Variants in BTBD10 observed in about 807,000 individuals in gnomAD.
BTBD10 encodes the protein BTB/POZ domain-containing protein 10.
In BTBD10, 21 loss-of-function variants were observed where a neutral mutation model predicts 53.2. The ratio of observed to expected loss-of-function variants is 0.39; its 90% confidence interval spans 0.28 to 0.57. The LOEUF (loss-of-function observed/expected upper bound fraction) is 0.57, where lower values mean the gene tolerates loss of function less well. Ranked by LOEUF, BTBD10 falls within the 20% of genes least tolerant of loss-of-function variation. BTBD10 has a pLI of 0.53. For missense variants in BTBD10, 360 were observed against 594.7 expected, an observed-to-expected ratio of 0.61 and a Z score of 4.10; for synonymous variants, 149 against 192.7, an observed-to-expected ratio of 0.77 and a Z score of 1.88.
At chr11:13,444,808 CT>C (rs1158439837) in intron 2 of BTBD10, among the ~76,000 whole-genome samples, 2 of 152,012 alleles carry the variant, frequency 1.3e-5, no homozygotes, top group African/African-American at 4.8e-5. Flanking sequence ...TTTTCACCAT[CT>C]TTAGAGACAG....
In BTBD10 at chr11:13,441,089, AC is replaced by A. The variant is rs141144105; in HGVS notation, c.101+3934del. 6.3e-3 allele frequency among the ~76,000 whole-genome samples: 956 copies of A among 152,290 alleles called. 14 individuals carry two copies. The highest frequency in any genetic ancestry group is 0.022 in the African/African-American group (899 of 41,588). On this transcript the variant is annotated intron_variant, in intron 2 of 8. Coordinates refer to ENST00000278174, the MANE Select transcript of BTBD10 (RefSeq NM_032320.7). ...TACTCACCCAGAAACAAGTTGAGCA[AC>A]TTATAAACAAATTCAGTAATTTTTA...
At chr11:13,459,218 G>A (rs919058641) in intron 1 of BTBD10, among the ~76,000 whole-genome samples, 3 of 151,044 alleles carry the variant, frequency 2.0e-5, no homozygotes, top group Non-Finnish European at 3.0e-5. Flanking sequence ...CACTACGCCC[G>A]GCTAATTTTT....
chr11:13,459,419 G>A (rs1450626151), intron 1 of BTBD10, among the ~76,000 whole-genome samples: 4 of 151,944 alleles, frequency 2.6e-5, no homozygotes, highest in Non-Finnish European at 5.9e-5. Context: ...AAGTAAACCC[G>A]AGCAAGATAC....
rs1194746140 is a variant in BTBD10, at chr11:13,421,778, A to G, written c.162T>C (p.Ala54=). 1 of 1,614,118 alleles carries G rather than the reference A, an allele frequency of 6.2e-7. No homozygotes were observed. Among genetic ancestry groups the G allele is most frequent in the Admixed American group, 1.7e-5 (1 of 60,020 alleles). ...VDHTKMSLHG[A]SGGHERSRDR... is the part of the protein sequence containing the mutation. Reference sequence around the variant, plus strand: ...CTCTTGATCTCTCATGTCCCCCACTAGCACCATGTAGACTCATTTTGGTGT... The same window carrying G: ...CTCTTGATCTCTCATGTCCCCCACTGGCACCATGTAGACTCATTTTGGTGT... The change falls in exon 3 of 9, where the codon GCT becomes GCC. Residue 54 remains alanine, a synonymous_variant. Coordinates refer to ENST00000278174, the MANE Select transcript of BTBD10 (RefSeq NM_032320.7).
At chr11:13,461,572 T>C (rs1280760170) in intron 1 of BTBD10, among the ~76,000 whole-genome samples, 1 of 152,196 alleles carries the variant, frequency 6.6e-6, no homozygotes, top group African/African-American at 2.4e-5. Context: ...CAGACCACAG[T>C]GGTTTGCAAC....
rs1235628982 is a variant in BTBD10, at chr11:13,419,601, T to A, written c.443A>T (p.Glu148Val). Residue 148 changes from glutamate to valine, a missense_variant, in exon 4 of 9, where the codon GAG (glutamate) becomes GTG (valine). Transcript: ENST00000278174. Reference sequence around the variant, plus strand: ...TGCATTTTCATATACAAACACCATCTCCCCAGCTGTCTTACAGCTACCATC... The same window carrying A: ...TGCATTTTCATATACAAACACCATCACCCCAGCTGTCTTACAGCTACCATC... Reference protein sequence around the residue: ...SSDGSCKTAGEMVFVYENAKE... With the variant: ...SSDGSCKTAGVMVFVYENAKE... 1 of 1,614,048 alleles carries A rather than the reference T, an allele frequency of 6.2e-7. No homozygotes were observed. The highest frequency in any genetic ancestry group is 1.3e-5 in the African/African-American group (1 of 75,012).
chr11:13,446,425 T>A (rs2134035705), intron 1 of BTBD10, among the ~76,000 whole-genome samples: 1 of 152,312 alleles, frequency 6.6e-6, no homozygotes, highest in East Asian at 1.9e-4. Flanking sequence ...CATTTTCATT[T>A]TAGAGAAACA....
chr11:13,418,153 T>C (rs1240762611), intron 4 of BTBD10, among the ~76,000 whole-genome samples: 1 of 150,536 alleles, frequency 6.6e-6, no homozygotes, highest in African/African-American at 2.4e-5. Context: ...CAGAAAACTA[T>C]GAACAACAAA....
intron 4 of BTBD10, among the ~76,000 whole-genome samples, chr11:13,418,222 A>G (rs1368562085): frequency 6.6e-6 from 1 of 152,054 alleles, no homozygotes; most frequent in East Asian, 1.9e-4. Context: ...GTTCCCATGA[A>G]TATTAATTTT....
intron 1 of BTBD10, among the ~76,000 whole-genome samples, chr11:13,457,516 T>C (rs1388941657): frequency 6.6e-6 from 1 of 152,256 alleles, no homozygotes; most frequent in Non-Finnish European, 1.5e-5. Context: ...TTCATTGTAC[T>C]ACCTTTTGTA....
At chr11:13,393,569 G>C (rs1046224958) in intron 8 of BTBD10, among the ~76,000 whole-genome samples, 12 of 152,076 alleles carry the variant, frequency 7.9e-5, no homozygotes, top group Middle Eastern at 6.8e-3. Flanking sequence ...TAATAGACTT[G>C]AAAAGAAAAT....
chr11:13,451,912 C>T (rs1160839645), intron 1 of BTBD10, among the ~76,000 whole-genome samples: 2 of 151,906 alleles, frequency 1.3e-5, no homozygotes, highest in Admixed American at 6.6e-5. Flanking sequence ...TAGAGAGGTG[C>T]CAACTGTCAA....
intron 2 of BTBD10, among the ~76,000 whole-genome samples, chr11:13,427,019 C>G (rs1950351676): frequency 6.6e-6 from 1 of 152,112 alleles, no homozygotes; most frequent in Non-Finnish European, 1.5e-5. Flanking sequence ...AGTTCGAGAC[C>G]AGCCTTTGGC....
rs147397766 is a variant in BTBD10, at chr11:13,432,506, C to T, written c.102-10668G>A. On this transcript the variant is annotated intron_variant, in intron 2 of 8. Transcript: ENST00000278174. ...GTAGAGTACCTGGGAACTCACTGTA[C>T]GATTTTTTGTGACATCTTGTAAATC... Among the ~76,000 whole-genome samples, 1,132 of 152,014 alleles carry T rather than the reference C, an allele frequency of 7.4e-3. 7 individuals carry two copies. The highest frequency in any genetic ancestry group is 0.011 in the Non-Finnish European group (762 of 67,936).
chr11:13,395,805 C>G (rs1949533483), intron 8 of BTBD10, among the ~76,000 whole-genome samples: 1 of 152,146 alleles, frequency 6.6e-6, no homozygotes, highest in Non-Finnish European at 1.5e-5. Flanking sequence ...AATCCTTTCG[C>G]CATTGCTTGT....
At chr11:13,399,619 C>A (rs937184103) in intron 8 of BTBD10, among the ~76,000 whole-genome samples, 1 of 152,140 alleles carries the variant, frequency 6.6e-6, no homozygotes, top group Non-Finnish European at 1.5e-5. Context: ...GGAGGAGAGG[C>A]GCTCTGATTT....
rs1213031898 is a variant in BTBD10, at chr11:13,445,055, T to C, written c.70A>G (p.Ser24Gly). 11 of 1,612,942 alleles carry C rather than the reference T, an allele frequency of 6.8e-6. No homozygotes were observed. The highest frequency in any genetic ancestry group is 1.1e-5 in the South Asian group (1 of 91,058). The change falls in exon 2 of 9, where the codon AGT (serine) becomes GGT (glycine). Residue 24 changes from serine to glycine, a missense_variant. Around this residue, in one of 6 missense-constraint regions of BTBD10, gnomAD observed 81 missense variants for 82.6 expected, o/e 0.98. Coordinates refer to ENST00000278174, the MANE Select transcript of BTBD10 (RefSeq NM_032320.7). ...DPENWDRKLHSRPRKLYKHSS... is the reference protein window; with the variant it reads ...DPENWDRKLHGRPRKLYKHSS... Reference sequence around the variant, plus strand: ...TGTTTATAAAGTTTACGAGGTCTACTATGCAATTTCCGATCCCAATTCTCT... The same window carrying C: ...TGTTTATAAAGTTTACGAGGTCTACCATGCAATTTCCGATCCCAATTCTCT...
chr11:13,426,600 T>G (rs911817396), intron 2 of BTBD10, among the ~76,000 whole-genome samples: 3 of 152,180 alleles, frequency 2.0e-5, no homozygotes, highest in Non-Finnish European at 2.9e-5. Flanking sequence ...AAGTATACTT[T>G]TGTAAGGTTT....
At chr11:13,396,530 A>G (rs891885079) in intron 8 of BTBD10, among the ~76,000 whole-genome samples, 1 of 152,084 alleles carries the variant, frequency 6.6e-6, no homozygotes, top group Non-Finnish European at 1.5e-5. Context: ...AATACCCTTT[A>G]TTTCCTTCTC....
Sources: allele counts gnomAD v4.1 joint callset (sites outside exome capture counted in the v4.1 genomes callset), GRCh38; gene constraint gnomAD v4.1.1; regional missense constraint gnomAD v4.1.1; transcripts MANE v1.5; gene names NCBI Gene and HGNC (gene_info 2026-07-23, HGNC 2026-07-21).